CA10: variants seen among roughly 807,000 people sequenced by gnomAD.
CA10 encodes carbonic anhydrase-related protein 10.
CA10 carries 14 observed loss-of-function variants against 44.2 expected under a neutral mutation model. That is an observed-to-expected ratio of 0.32 (90% confidence interval 0.21 to 0.50). CA10 has a LOEUF of 0.50. Ranked by LOEUF, CA10 falls within the 20% of genes least tolerant of loss-of-function variation. The probability of loss-of-function intolerance (pLI) is 0.99; values close to 1 mark genes in which losing one functional copy is unlikely to be tolerated. For synonymous variants in CA10, 159 were observed against 141.6 expected, an observed-to-expected ratio of 1.12 and a Z score of -0.87; for missense variants, 350 against 409.7, an observed-to-expected ratio of 0.85 and a Z score of 1.26.
chr17:52,027,705 C>T (rs1481586791), intron 2 of CA10, among the ~76,000 whole-genome samples: 2 of 152,126 alleles, frequency 1.3e-5, no homozygotes, highest in Non-Finnish European at 2.9e-5. Context: ...TTTTTCCCCT[C>T]ACCCCTACTC....
chr17:51,645,324 A>G (rs945953853), intron 6 of CA10, among the ~76,000 whole-genome samples: 3 of 152,178 alleles, frequency 2.0e-5, no homozygotes, highest in Non-Finnish European at 4.4e-5. Context: ...TTTTGTTACA[A>G]TGACCTTCAA....
intron 3 of CA10, among the ~76,000 whole-genome samples, chr17:51,856,468 A>C (rs1037801721): frequency 1.3e-5 from 2 of 152,146 alleles, no homozygotes; most frequent in African/African-American, 4.8e-5. Context: ...GATAGTTGTA[A>C]AGTAAGTGGC....
intron 5 of CA10, among the ~76,000 whole-genome samples, chr17:51,651,939 A>G (rs1288307080): frequency 6.6e-6 from 1 of 152,222 alleles, no homozygotes; most frequent in African/African-American, 2.4e-5. Context: ...GAATGTACAA[A>G]TTGGTTATCA....
intron 4 of CA10, among the ~76,000 whole-genome samples, chr17:51,666,712 G>A (rs930402087): frequency 7.8e-6 from 1 of 127,984 alleles, no homozygotes; most frequent in Non-Finnish European, 1.7e-5. Flanking sequence ...GAATATCTGA[G>A]TATTAATATT....
chr17:51,782,912 G>A (rs1567837950), intron 3 of CA10, among the ~76,000 whole-genome samples: 1 of 152,174 alleles, frequency 6.6e-6, no homozygotes, highest in African/African-American at 2.4e-5. Flanking sequence ...GCATGTGGTT[G>A]TCTCTGATGC....
intron 2 of CA10, among the ~76,000 whole-genome samples, chr17:52,013,007 T>C (rs761892380): frequency 2.0e-5 from 3 of 151,982 alleles, no homozygotes; most frequent in Non-Finnish European, 2.9e-5. Context: ...GACATCAATG[T>C]CATGTAACAA....
chr17:51,638,240 C>G (rs1912921555), intron 6 of CA10, among the ~76,000 whole-genome samples: 1 of 152,226 alleles, frequency 6.6e-6, no homozygotes, highest in Non-Finnish European at 1.5e-5. Context: ...CTACTCCATT[C>G]AAAGCTGCCC....
intron 4 of CA10, among the ~76,000 whole-genome samples, chr17:51,678,068 GA>G (rs1914695662): frequency 6.6e-6 from 1 of 152,156 alleles, no homozygotes; most frequent in African/African-American, 2.4e-5. Context: ...TGAAAAGGAA[GA>G]AATGACAATA....
intron 1 of CA10, among the ~76,000 whole-genome samples, chr17:52,112,446 C>A (rs183370151): frequency 6.6e-6 from 1 of 152,248 alleles, no homozygotes; most frequent in Non-Finnish European, 1.5e-5. Flanking sequence ...AACAGTGGAG[C>A]TGAATAGGTG....
intron 4 of CA10, among the ~76,000 whole-genome samples, chr17:51,656,182 C>T (rs1277337610): frequency 6.6e-6 from 1 of 152,224 alleles, no homozygotes; most frequent in Non-Finnish European, 1.5e-5. Context: ...GCCAGTGCTT[C>T]CAGACATGCC....
chr17:51,907,544 G>T (rs958375469), intron 3 of CA10, among the ~76,000 whole-genome samples: 4 of 152,026 alleles, frequency 2.6e-5, no homozygotes, highest in Non-Finnish European at 5.9e-5. Context: ...CTTCGAGGCT[G>T]AAGGACTTAT....
rs755551728 is a variant in CA10 at position 51,631,528 on chromosome 17, C to T, written c.*56G>A. 2.8e-5 allele frequency: 42 copies of T among 1,483,702 alleles called. No individual in the cohort carries two copies. Among genetic ancestry groups the T allele is most frequent in the Non-Finnish European group, 3.6e-5 (38 of 1,062,324 alleles). 91.9% of individuals were successfully genotyped at this position (1,483,702 alleles called of 1,614,324 possible). On this transcript the variant is annotated 3_prime_UTR_variant, in exon 9 of 9. Coordinates refer to ENST00000451037, the MANE Select transcript of CA10 (RefSeq NM_020178.5). ...GCAAGAAGGGGGACATTCTAGGTTA[C>T]GTCAATTCACAGTTGTAGCATTTCA...
At chr17:51,811,530 G>A (rs886462160) in intron 3 of CA10, among the ~76,000 whole-genome samples, 7 of 152,184 alleles carry the variant, frequency 4.6e-5, no homozygotes, top group Non-Finnish European at 1.5e-5. Context: ...GTGAGAACAT[G>A]TGGTGTTTAG....
At chr17:51,851,109 G>T (rs560653751) in intron 3 of CA10, among the ~76,000 whole-genome samples, 58 of 152,294 alleles carry the variant, frequency 3.8e-4, no homozygotes, top group African/African-American at 1.4e-3. Flanking sequence ...ATGCATGGGG[G>T]TGGCAGACCC....
intron 2 of CA10, among the ~76,000 whole-genome samples, chr17:52,057,638 G>A (rs142434870): frequency 2.8e-3 from 424 of 152,008 alleles, no homozygotes; most frequent in Non-Finnish European, 4.5e-3. Context: ...ATTGCTCAAG[G>A]GTAAATTGTA....
intron 2 of CA10, among the ~76,000 whole-genome samples, chr17:52,047,678 C>G (rs1347727493): frequency 4.0e-5 from 6 of 151,772 alleles, no homozygotes; most frequent in Non-Finnish European, 7.4e-5. Flanking sequence ...TTTTTTGCAG[C>G]TTTCCTTCCA....
intron 3 of CA10, among the ~76,000 whole-genome samples, chr17:51,797,651 C>T (rs1003735190): frequency 1.2e-4 from 18 of 152,072 alleles, no homozygotes; most frequent in African/African-American, 3.9e-4. Context: ...GTCAGGATTT[C>T]GAGACCAGCC....
chr17:51,853,839 C>G (rs906967107), intron 3 of CA10, among the ~76,000 whole-genome samples: 1 of 152,140 alleles, frequency 6.6e-6, no homozygotes, highest in East Asian at 1.9e-4. Flanking sequence ...TGCTGCCTTG[C>G]GAAGAAGGTG....
intron 4 of CA10, among the ~76,000 whole-genome samples, chr17:51,662,870 A>G (rs564726644): frequency 6.6e-6 from 1 of 152,366 alleles, no homozygotes; most frequent in East Asian, 1.9e-4. Context: ...CCCCCAAAAG[A>G]TAACACAACT....
Sources: gnomAD v4.1 joint callset for allele counts (sites outside exome capture counted in the v4.1 genomes callset) on GRCh38, gnomAD v4.1.1 for gene constraint, MANE v1.5 for transcripts, NCBI Gene and HGNC (gene_info 2026-07-23, HGNC 2026-07-21) for gene names.